The following SLC44A5 variants were observed in gnomAD, a reference collection of about 807,000 sequenced individuals.
SLC44A5 encodes the protein choline transporter-like protein 5.
SLC44A5 carries 57 observed loss-of-function variants against 101.8 expected under a neutral mutation model. That is an observed-to-expected ratio of 0.56 (90% CI 0.45 to 0.70). SLC44A5 has a LOEUF of 0.70. Among genes scored for constraint, SLC44A5 ranks in the 30% least tolerant of loss-of-function variants. SLC44A5 has a pLI of 0.00. For synonymous variants in SLC44A5, 281 were observed against 290.9 expected, an observed-to-expected ratio of 0.97 and a Z score of 0.35; for missense variants, 737 against 853.1, an observed-to-expected ratio of 0.86 and a Z score of 1.70.
At chr1:75,701,683 AG>A in the SLC44A5 span, among the ~76,000 whole-genome samples, 2 of 152,216 alleles carry the variant, frequency 1.3e-5, no homozygotes, top group African/African-American at 2.4e-5. Context: ...AAATAAATAA[AG>A]GGCATTCAAT....
intron 2 of SLC44A5, among the ~76,000 whole-genome samples, chr1:75,505,882 T>C (rs143622865): frequency 4.6e-5 from 7 of 152,288 alleles, no homozygotes; most frequent in African/African-American, 1.4e-4. Flanking sequence ...TTTTGTTTTA[T>C]TGAAATTACT....
intron 1 of SLC44A5, among the ~76,000 whole-genome samples, chr1:75,568,587 A>C (rs1672908529): frequency 6.6e-6 from 1 of 151,748 alleles, no homozygotes; most frequent in African/African-American, 2.4e-5. Flanking sequence ...TTGCTTTTCT[A>C]TTTTCCATAC....
intron 2 of SLC44A5, among the ~76,000 whole-genome samples, chr1:75,481,823 C>A (rs1242614646): frequency 6.6e-6 from 1 of 152,280 alleles, no homozygotes; most frequent in African/African-American, 2.4e-5. Context: ...TAAACTAGTT[C>A]AACCATTGTG....
rs138082071 is a variant in SLC44A5, at chr1:75,283,420, T to C, written c.176-8378A>G. ...ATTAGTCCTTTGTCAGACACATATT[T>C]TGTGAAGAGTTTCTCCAACTCTGTG... On this transcript the variant is annotated intron_variant, in intron 5 of 23. Coordinates refer to ENST00000370859, the MANE Select transcript of SLC44A5 (RefSeq NM_001130058.2). Among the ~76,000 whole-genome samples the C allele has an allele frequency of 2.4e-3, 360 of 152,288 alleles. 1 individual carries two copies. The highest frequency in any genetic ancestry group is 8.2e-3 in the African/African-American group (340 of 41,568).
At chr1:75,603,571 G>C (rs1260955451) in intron 1 of SLC44A5, among the ~76,000 whole-genome samples, 1 of 151,928 alleles carries the variant, frequency 6.6e-6, no homozygotes, top group Non-Finnish European at 1.5e-5. Context: ...GCTTTCCACA[G>C]TGACTGAACT....
chr1:75,700,645 A>C, the SLC44A5 span, among the ~76,000 whole-genome samples: 35 of 152,356 alleles, frequency 2.3e-4, no homozygotes, highest in African/African-American at 7.5e-4. Context: ...AAGGCAAGAA[A>C]TATCTAAGAT....
At chr1:75,220,592 T>C (rs1647057594) in intron 14 of SLC44A5, among the ~76,000 whole-genome samples, 1 of 152,154 alleles carries the variant, frequency 6.6e-6, no homozygotes, top group African/African-American at 2.4e-5. Flanking sequence ...TTTTGGAAAA[T>C]ATAATTATCA....
intron 2 of SLC44A5, among the ~76,000 whole-genome samples, chr1:75,464,114 C>T (rs530986831): frequency 1.2e-4 from 18 of 147,158 alleles, no homozygotes; most frequent in East Asian, 4.4e-4. Context: ...CCTAGCTACT[C>T]GGGAGGCTGA....
intron 2 of SLC44A5, among the ~76,000 whole-genome samples, chr1:75,534,298 C>T (rs991433313): frequency 6.6e-6 from 1 of 152,092 alleles, no homozygotes; most frequent in Admixed American, 6.5e-5. Context: ...AAAATAAAGC[C>T]GGGCTCCATT....
intron 3 of SLC44A5, among the ~76,000 whole-genome samples, chr1:75,365,278 C>T (rs1393850115): frequency 6.6e-6 from 1 of 152,058 alleles, no homozygotes; most frequent in Non-Finnish European, 1.5e-5. Context: ...AGGTGTTAAG[C>T]CTAGTATCCA....
At chr1:75,269,066 G>T (rs1179528072) in intron 6 of SLC44A5, among the ~76,000 whole-genome samples, 1 of 152,034 alleles carries the variant, frequency 6.6e-6, no homozygotes, top group Non-Finnish European at 1.5e-5. Context: ...AGTAGAAAAT[G>T]AGGCGATTTT....
the SLC44A5 span, among the ~76,000 whole-genome samples, chr1:75,695,540 G>A: frequency 2.0e-5 from 3 of 151,918 alleles, no homozygotes; most frequent in Admixed American, 6.6e-5. Context: ...CTGAAAGGCA[G>A]TTATCAACAC....
intron 7 of SLC44A5, among the ~76,000 whole-genome samples, chr1:75,243,381 C>T (rs1212374028): frequency 6.6e-6 from 1 of 152,020 alleles, no homozygotes; most frequent in Non-Finnish European, 1.5e-5. Context: ...AAGTGATCCA[C>T]CCATCTCAGC....
intron 4 of SLC44A5, among the ~76,000 whole-genome samples, chr1:75,333,411 T>C (rs1037489039): frequency 2.0e-5 from 3 of 151,994 alleles, no homozygotes; most frequent in Non-Finnish European, 2.9e-5. Flanking sequence ...TCTTTAATAT[T>C]TGTGGCCTCT....
intron 2 of SLC44A5, among the ~76,000 whole-genome samples, chr1:75,536,545 G>C (rs1175383149): frequency 2.8e-5 from 4 of 141,706 alleles, no homozygotes; most frequent in Non-Finnish European, 6.0e-5. Flanking sequence ...AGCTTGCAGT[G>C]AGCCGAGATC....
chr1:75,659,063 A>G, the SLC44A5 span, among the ~76,000 whole-genome samples: 1 of 152,030 alleles, frequency 6.6e-6, no homozygotes. Flanking sequence ...CAACCTAACA[A>G]GATTAAATCA....
At chr1:75,694,998 A>G in the SLC44A5 span, among the ~76,000 whole-genome samples, 1 of 152,210 alleles carries the variant, frequency 6.6e-6, no homozygotes, top group African/African-American at 2.4e-5. Context: ...TTTTTACCAA[A>G]AAGAATTGTT....
At chr1:75,537,685 T>C (rs1385815866) in intron 2 of SLC44A5, among the ~76,000 whole-genome samples, 1 of 152,202 alleles carries the variant, frequency 6.6e-6, no homozygotes, top group Non-Finnish European at 1.5e-5. Context: ...ATTTCTGCCA[T>C]TGGGAATACA....
chr1:75,387,677 G>T (rs2101321433), intron 3 of SLC44A5, among the ~76,000 whole-genome samples: 1 of 104,192 alleles, frequency 9.6e-6, no homozygotes, highest in East Asian at 2.8e-4. Flanking sequence ...TCTAGAACTA[G>T]AAATACCATT....
Sources: gnomAD v4.1 joint callset for allele counts (sites outside exome capture counted in the v4.1 genomes callset) on GRCh38, gnomAD v4.1.1 for gene constraint, MANE v1.5 for transcripts, NCBI Gene and HGNC (gene_info 2026-07-23, HGNC 2026-07-21) for gene names.